MARCHF1: variants seen among roughly 807,000 people sequenced by gnomAD.
The protein encoded by MARCHF1 is membrane associated ring-CH-type finger 1.
In MARCHF1, 40 loss-of-function variants were observed where a neutral mutation model predicts 54.2. The ratio of observed to expected loss-of-function variants is 0.74; its 90% CI spans 0.57 to 0.96. The LOEUF (loss-of-function observed/expected upper bound fraction) is 0.96, where lower values mean the gene tolerates loss of function less well. Among genes scored for constraint, MARCHF1 ranks in the 40% least tolerant of loss-of-function variants. The pLI, the probability that MARCHF1 is intolerant of heterozygous loss-of-function variation, is 0.00. For synonymous variants in MARCHF1, 236 were observed against 236.3 expected, an observed-to-expected ratio of 1.00 and a Z score of 0.01; for missense variants, 586 against 656.5, an observed-to-expected ratio of 0.89 and a Z score of 1.17.
intron 1 of MARCHF1, among the ~76,000 whole-genome samples, chr4:164,319,116 A>G (rs1735073324): frequency 6.6e-6 from 1 of 152,154 alleles, no homozygotes; most frequent in South Asian, 2.1e-4. Flanking sequence ...TATTGAAAAT[A>G]TTAGAAAGGA....
At chr4:164,234,433 T>C (rs575348297) in intron 1 of MARCHF1, among the ~76,000 whole-genome samples, 1 of 152,228 alleles carries the variant, frequency 6.6e-6, no homozygotes, top group South Asian at 2.1e-4. Context: ...AAAACAACCA[T>C]AAAACCTTTA....
Position 164,065,234 on chromosome 4 carries a change from C to T in MARCHF1, c.-248+46354G>A, listed in dbSNP as rs559697349. Among the ~76,000 whole-genome samples the T allele has an allele frequency of 1.7e-4, 26 of 152,262 alleles. No individual in the cohort carries two copies. The South Asian group carries it at 5.2e-3, about 30-fold the overall frequency. ...AGTTTCAGAAGAAATGGTACTAGTT[C>T]CTCTTTGCACATCTGGTAGGATTCA... On this transcript the variant is annotated intron_variant, in intron 2 of 9. Coordinates refer to ENST00000514618, the MANE Select transcript of MARCHF1 (RefSeq NM_001394959.1).
In MARCHF1 at chr4:163,612,657, C is replaced by T. The variant is rs1741382701; in HGVS notation, c.624G>A (p.Glu208=). ...LAGSSTPNGI[E]LVDLGSKGKE... ...TACCTTTGGATCCCAGATCAACGAG[C>T]TCAATTCCGTTAGGAGTGGAAGACC... The change falls in exon 7 of 10, where the codon GAG becomes GAA. Residue 208 remains glutamate, a synonymous_variant. Transcript: ENST00000514618. The T allele has an allele frequency of 1.3e-6, 2 of 1,535,440 alleles. No homozygotes were observed. The highest frequency in any genetic ancestry group is 1.7e-4 in the Middle Eastern group (1 of 6,004).
chr4:163,537,252 A>G (rs1393401832), intron 9 of MARCHF1, among the ~76,000 whole-genome samples: 3 of 152,172 alleles, frequency 2.0e-5, no homozygotes, highest in African/African-American at 4.8e-5. Flanking sequence ...GCCTCCTTTT[A>G]TTGAGACACA....
intron 4 of MARCHF1, among the ~76,000 whole-genome samples, chr4:163,842,830 A>G (rs1749379023): frequency 1.3e-5 from 2 of 152,138 alleles, no homozygotes; most frequent in South Asian, 4.1e-4. Flanking sequence ...GTTTACTGGG[A>G]ATACCCATTG....
chr4:163,580,185 T>C (rs943641070), intron 8 of MARCHF1, among the ~76,000 whole-genome samples: 1 of 151,926 alleles, frequency 6.6e-6, no homozygotes, highest in Admixed American at 6.6e-5. Context: ...TTCAACCAAT[T>C]TTCCTGCCTC....
At chr4:163,601,803 G>T (rs1232113166) in intron 7 of MARCHF1, among the ~76,000 whole-genome samples, 1 of 151,300 alleles carries the variant, frequency 6.6e-6, no homozygotes, top group Non-Finnish European at 1.5e-5. Context: ...CTATCTAAAG[G>T]CACAACTTGT....
At position 164,131,187 on chromosome 4, in the gene MARCHF1, T is replaced by TC. The variant is rs1756293612; in HGVS notation, c.-322-19526dup. Among the ~76,000 whole-genome samples the TC allele has an allele frequency of 2.0e-5, 3 of 152,206 alleles. No individual in the cohort carries two copies. The South Asian group carries it at 6.2e-4, about 32-fold the overall frequency. On this transcript the variant is annotated intron_variant, in intron 1 of 9. Coordinates refer to ENST00000514618, the MANE Select transcript of MARCHF1 (RefSeq NM_001394959.1). ...CTTTACTTGAGGTGCTAAGGTAGTT[T>TC]CCCTGGGAGAGATGAACTCAACTGG...
chr4:164,350,028 G>T (rs771762074), intron 1 of MARCHF1, among the ~76,000 whole-genome samples: 9 of 152,104 alleles, frequency 5.9e-5, no homozygotes, highest in Non-Finnish European at 1.3e-4. Flanking sequence ...AACATATTTT[G>T]CATAGTTCTG....
intron 4 of MARCHF1, among the ~76,000 whole-genome samples, chr4:163,756,783 T>C (rs1440857049): frequency 6.6e-6 from 1 of 152,088 alleles, no homozygotes; most frequent in Middle Eastern, 3.2e-3. Context: ...GTGTCTAGTA[T>C]AAGCATCCTG....
intron 2 of MARCHF1, among the ~76,000 whole-genome samples, chr4:164,032,477 A>G (rs1392896274): frequency 6.6e-6 from 1 of 152,184 alleles, no homozygotes; most frequent in African/African-American, 2.4e-5. Flanking sequence ...ATTTAGTGCT[A>G]TAAATTTTCC....
At chr4:163,626,944 C>G (rs1741893238) in intron 5 of MARCHF1, among the ~76,000 whole-genome samples, 1 of 152,010 alleles carries the variant, frequency 6.6e-6, no homozygotes, top group Non-Finnish European at 1.5e-5. Context: ...CAAACCAAAC[C>G]AAACCTAGTT....
intron 1 of MARCHF1, among the ~76,000 whole-genome samples, chr4:164,119,799 G>T (rs1409154378): frequency 6.6e-6 from 1 of 151,726 alleles, no homozygotes; most frequent in African/African-American, 2.4e-5. Context: ...GTCCACAGCA[G>T]AGAAAAAAGC....
At position 163,858,109 on chromosome 4, in the gene MARCHF1, G is replaced by A. The variant is rs1366954966; in HGVS notation, c.-38-3940C>T. Among the ~76,000 whole-genome samples, 2 of 134,948 alleles carry A rather than the reference G, an allele frequency of 1.5e-5. 1 individual carries two copies. The highest frequency in any genetic ancestry group is 3.1e-5 in the Non-Finnish European group (2 of 63,972). The allele number at this position is 134,948 out of a possible 152,430, so 88.5% of individuals were successfully genotyped here. ...TGCACAACTCCGGGGGGTGGGGGGGGGGGGGCATCATCCACATTGCAATCC... is the reference window on the plus strand; with the variant it reads ...TGCACAACTCCGGGGGGTGGGGGGGAGGGGGCATCATCCACATTGCAATCC... On this transcript the variant is annotated intron_variant, in intron 3 of 9. Transcript: ENST00000514618.
intron 1 of MARCHF1, among the ~76,000 whole-genome samples, chr4:164,230,831 C>A (rs1286078054): frequency 2.0e-5 from 3 of 152,012 alleles, no homozygotes; most frequent in South Asian, 2.1e-4. Context: ...TATTATTATT[C>A]TTGGTAAAGA....
At chr4:163,696,848 C>T (rs758128950) in intron 5 of MARCHF1, among the ~76,000 whole-genome samples, 23 of 152,184 alleles carry the variant, frequency 1.5e-4, no homozygotes, top group Non-Finnish European at 1.0e-4. Flanking sequence ...GATGGCTCTC[C>T]GAATTCCCAT....
chr4:163,889,018 GAGCT>G, intron 3 of MARCHF1, among the ~76,000 whole-genome samples: 1 of 152,200 alleles, frequency 6.6e-6, no homozygotes, highest in East Asian at 1.9e-4. Context: ...AGGTATACAA[GAGCT>G]ATTTGAGCTT....
chr4:163,677,654 T>C (rs1475169961), intron 5 of MARCHF1, among the ~76,000 whole-genome samples: 1 of 152,230 alleles, frequency 6.6e-6, no homozygotes, highest in Non-Finnish European at 1.5e-5. Flanking sequence ...TCAGCAACAC[T>C]TTACATCATG....
intron 7 of MARCHF1, among the ~76,000 whole-genome samples, chr4:163,609,619 G>GTATA (rs562424797): frequency 3.3e-5 from 5 of 149,404 alleles, no homozygotes; most frequent in Non-Finnish European, 7.4e-5. Context: ...GTGTGTGTGT[G>GTATA]TGTGTATATA....
Sources: allele counts gnomAD v4.1 joint callset (sites outside exome capture counted in the v4.1 genomes callset), GRCh38; gene constraint gnomAD v4.1.1; transcripts MANE v1.5; gene names NCBI Gene and HGNC (gene_info 2026-07-23, HGNC 2026-07-21).